GPR39: variants seen among roughly 807,000 people sequenced by gnomAD.
The protein encoded by GPR39 is zinc sensing receptor.
Under a neutral mutation model 18.4 loss-of-function variants are expected in GPR39, and 23 were observed. The observed-to-expected ratio is 1.25, with a 90% CI of 0.90 to 1.77. GPR39 has a LOEUF of 1.77. Among genes scored for constraint, GPR39 ranks in the 40% most tolerant of loss-of-function variants. The probability of loss-of-function intolerance (pLI) is 0.00; values close to 1 mark genes in which losing one functional copy is unlikely to be tolerated. For missense variants in GPR39, 647 were observed against 602.4 expected (o/e 1.07, Z -0.78); for synonymous variants, 280 against 257.9 (o/e 1.09, Z -0.82).
chr2:132,449,856 C>T (rs1475217231), intron 1 of GPR39, among the ~76,000 whole-genome samples: 1 of 152,146 alleles, frequency 6.6e-6, no homozygotes, highest in Non-Finnish European at 1.5e-5. Context: ...AAAGGGGTCT[C>T]ACTTCTCTCC....
intron 1 of GPR39, among the ~76,000 whole-genome samples, chr2:132,452,294 C>A (rs1558802429): frequency 6.6e-6 from 1 of 152,156 alleles, no homozygotes; most frequent in Non-Finnish European, 1.5e-5. Context: ...TAGTCAAGTA[C>A]AATGTATTCA....
At chr2:132,502,284 T>A (rs1679055832) in intron 1 of GPR39, among the ~76,000 whole-genome samples, 1 of 152,162 alleles carries the variant, frequency 6.6e-6, no homozygotes. Context: ...AGTGGCAAAT[T>A]CTCTCAGCGT....
At chr2:132,570,899 C>T (rs1680430884) in intron 1 of GPR39, among the ~76,000 whole-genome samples, 2 of 152,282 alleles carry the variant, frequency 1.3e-5, no homozygotes, top group South Asian at 4.1e-4. Context: ...TTAACTCTTT[C>T]AATAGCCTTG....
chr2:132,531,632 A>G (rs1183768556), intron 1 of GPR39, among the ~76,000 whole-genome samples: 2 of 152,240 alleles, frequency 1.3e-5, no homozygotes, highest in African/African-American at 4.8e-5. Context: ...AAAAGAACAG[A>G]AATTATAACA....
intron 1 of GPR39, among the ~76,000 whole-genome samples, chr2:132,458,524 A>G (rs560544807): frequency 6.7e-6 from 1 of 150,316 alleles, no homozygotes; most frequent in African/African-American, 2.5e-5. Context: ...TTCAAAAATC[A>G]TGACAAAGTA....
chr2:132,499,499 G>T (rs372345942), intron 1 of GPR39, among the ~76,000 whole-genome samples: 32 of 151,468 alleles, frequency 2.1e-4, no homozygotes, highest in East Asian at 9.7e-4. Flanking sequence ...TAGATTTGTG[G>T]TTTTTTTTGT....
At chr2:132,546,453 G>A (rs13028750) in intron 1 of GPR39, among the ~76,000 whole-genome samples, 18,735 of 152,122 alleles carry the variant, frequency 0.12, 1,930 homozygotes, top group East Asian at 0.54. Flanking sequence ...AAGGGGTTGG[G>A]TTAAGACTAA....
At chr2:132,591,077 C>T (rs1680827697) in intron 1 of GPR39, among the ~76,000 whole-genome samples, 1 of 150,286 alleles carries the variant, frequency 6.7e-6, no homozygotes, top group African/African-American at 2.5e-5. Context: ...AGGTGAAACC[C>T]CGTCTCTACT....
At chr2:132,555,615 T>C (rs917496048) in intron 1 of GPR39, among the ~76,000 whole-genome samples, 1 of 152,208 alleles carries the variant, frequency 6.6e-6, no homozygotes, top group African/African-American at 2.4e-5. Context: ...ATGCCTTTGA[T>C]GATTCAGCTT....
intron 1 of GPR39, among the ~76,000 whole-genome samples, chr2:132,456,847 C>T (rs13017008): frequency 0.11 from 17,285 of 152,272 alleles, 1,122 homozygotes; most frequent in Middle Eastern, 0.22. Flanking sequence ...CCGAGAGATC[C>T]GCTGTTAGTC....
chr2:132,541,485 T>G (rs1365879778), intron 1 of GPR39, among the ~76,000 whole-genome samples: 1 of 152,104 alleles, frequency 6.6e-6, no homozygotes, highest in Non-Finnish European at 1.5e-5. Context: ...AAGAAACACA[T>G]TTTGGATATT....
chr2:132,496,151 T>A (rs1279001791), intron 1 of GPR39, among the ~76,000 whole-genome samples: 1 of 152,154 alleles, frequency 6.6e-6, no homozygotes, highest in Non-Finnish European at 1.5e-5. Context: ...TATTCCCCAT[T>A]AGTGCTCTAT....
At chr2:132,621,639 G>C (rs981167863) in intron 1 of GPR39, among the ~76,000 whole-genome samples, 1 of 152,168 alleles carries the variant, frequency 6.6e-6, no homozygotes, top group Non-Finnish European at 1.5e-5. Context: ...AGTAGGGACA[G>C]CTGGGGTGCC....
At chr2:132,559,393 C>G (rs1400233159) in intron 1 of GPR39, among the ~76,000 whole-genome samples, 3 of 152,080 alleles carry the variant, frequency 2.0e-5, no homozygotes, top group African/African-American at 7.2e-5. Flanking sequence ...ACAGGCGTGA[C>G]TTTCCATGCG....
intron 1 of GPR39, among the ~76,000 whole-genome samples, chr2:132,622,995 C>A (rs922074016): frequency 3.3e-5 from 5 of 152,080 alleles, no homozygotes; most frequent in Non-Finnish European, 5.9e-5. Context: ...GCCTGTAATC[C>A]CAGCTACTCA....
intron 1 of GPR39, among the ~76,000 whole-genome samples, chr2:132,604,100 G>A (rs1322704589): frequency 6.6e-6 from 1 of 152,030 alleles, no homozygotes; most frequent in African/African-American, 2.4e-5. Context: ...CCTACTGTGA[G>A]TCCCAGGTTG....
rs1022179480 is a variant in GPR39 at position 132,554,655 on chromosome 2, G to T, written c.857-90446G>T. ...CTATTCACTCTGCTCAAAAAGCCAA[G>T]GAAGTATGTCATATATTTGGAGAGG... On this transcript the variant is annotated intron_variant, in intron 1 of 1. Coordinates refer to ENST00000329321, the MANE Select transcript of GPR39 (RefSeq NM_001508.3). Among the ~76,000 whole-genome samples, 3 of 152,190 alleles carry T rather than the reference G, an allele frequency of 2.0e-5. No individual in the cohort carries two copies. The South Asian group carries it at 6.2e-4, about 31-fold the overall frequency.
intron 1 of GPR39, among the ~76,000 whole-genome samples, chr2:132,449,235 T>G (rs368070039): frequency 1.7e-3 from 138 of 82,776 alleles, no homozygotes; most frequent in African/African-American, 4.1e-3. Context: ...CTTCGTGTTT[T>G]TTTGTTTGTT....
intron 1 of GPR39, among the ~76,000 whole-genome samples, chr2:132,624,807 A>G (rs1182700195): frequency 6.6e-6 from 1 of 152,236 alleles, no homozygotes. Context: ...TTGCGTGAAT[A>G]TTCCACAGTT....
Sources: allele counts gnomAD v4.1 joint callset (sites outside exome capture counted in the v4.1 genomes callset), GRCh38; gene constraint gnomAD v4.1.1; transcripts MANE v1.5; gene names NCBI Gene and HGNC (gene_info 2026-07-23, HGNC 2026-07-21).